The following NUDT2 variants were observed in gnomAD, a reference collection of about 807,000 sequenced individuals.
The protein encoded by NUDT2 is bis(5'-nucleosyl)-tetraphosphatase [asymmetrical].
NUDT2 carries 12 observed loss-of-function variants against 14.2 expected under a neutral mutation model. The observed-to-expected ratio is 0.84, with a 90% CI of 0.54 to 1.37. The LOEUF is 1.37. Ranked by LOEUF, NUDT2 falls within the 40% of genes most tolerant of loss-of-function variation. NUDT2 has a pLI of 0.00. For synonymous variants in NUDT2, 67 were observed against 67.4 expected, an observed-to-expected ratio of 0.99 and a Z score of 0.03; for missense variants, 167 against 176.7, an observed-to-expected ratio of 0.95 and a Z score of 0.31.
chr9:34,342,003 C>A (rs12238298), intron 4 of NUDT2, among the ~76,000 whole-genome samples: 33,820 of 152,074 alleles, frequency 0.22, 4,463 homozygotes, highest in East Asian at 0.61. Context: ...CCAGTCTTTG[C>A]CCCCTCTGGG....
Position 34,343,528 on chromosome 9 carries a change from T to G in NUDT2, c.*88T>G, listed in dbSNP as rs1295218696. The G allele has an allele frequency of 8.0e-7, 1 of 1,251,778 alleles. No individual in the cohort carries two copies. The highest frequency in any genetic ancestry group is 2.8e-5 in the Admixed American group (1 of 35,294). 77.5% of individuals were successfully genotyped at this position (1,251,778 alleles called of 1,614,324 possible). On this transcript the variant is annotated 3_prime_UTR_variant, in exon 5 of 5. Coordinates refer to ENST00000379158, the MANE Select transcript of NUDT2 (RefSeq NM_001161.5). ...CCCTCAGGTCCAGGGAAGGTTGTGC[T>G]GGTATTTGGCTCATGACAGCCAAGA...
At chr9:34,342,655 C>T (rs1472749029) in intron 4 of NUDT2, among the ~76,000 whole-genome samples, 2 of 152,004 alleles carry the variant, frequency 1.3e-5, no homozygotes, top group African/African-American at 2.4e-5. Context: ...CACTACCTGC[C>T]CTGCACCCCC....
At chr9:34,339,435 C>T (rs1000485694) in intron 4 of NUDT2, among the ~76,000 whole-genome samples, 10 of 152,130 alleles carry the variant, frequency 6.6e-5, no homozygotes, top group Admixed American at 5.9e-4. Flanking sequence ...TGGTGAATGG[C>T]TGGGTAAGAG....
intron 1 of NUDT2, among the ~76,000 whole-genome samples, chr9:34,330,715 C>A (rs1234432606): frequency 1.3e-5 from 2 of 151,730 alleles, no homozygotes; most frequent in Non-Finnish European, 2.9e-5. Flanking sequence ...TAATCCTAGC[C>A]CTTTGGGAGG....
At chr9:34,342,952 G>A (rs1338557374) in intron 4 of NUDT2, among the ~76,000 whole-genome samples, 172 bp from the exon 5 acceptor site, 1 of 152,010 alleles carries the variant, frequency 6.6e-6, no homozygotes, top group Non-Finnish European at 1.5e-5. Flanking sequence ...CTTGAGCCCA[G>A]GAATTCAAGG....
intron 2 of NUDT2, among the ~76,000 whole-genome samples, chr9:34,338,327 T>TAAAAAAAAAAAAAAAAAAAAAAAA (rs61594121): frequency 1.8e-4 from 6 of 33,738 alleles, no homozygotes; most frequent in South Asian, 2.6e-3. Context: ...ACCCTGTCTC[T>TAAAAAAAAAAAAAAAAAAAAAAAA]AAAAAAAAAA....
chr9:34,343,270 A>G lies in NUDT2; in HGVS notation c.274A>G (p.Ile92Val). The change falls in exon 5 of 5, where the codon ATT becomes GTT. Residue 92 changes from isoleucine (I) to valine (V), a missense_variant. Physicochemically the swap from Ile to Val is conservative, Grantham distance 29. Coordinates refer to ENST00000379158, the MANE Select transcript of NUDT2 (RefSeq NM_001161.5). ...GGCCAGGAACAAGCCTAAAACAGTC[A>G]TTTACTGGCTGGCGGAGGTGAAGGA... ...YVARNKPKTV[I>V]YWLAEVKDYD... 1 of 1,614,014 alleles carries G rather than the reference A, an allele frequency of 6.2e-7. No individual in the cohort carries two copies. Among genetic ancestry groups the G allele is most frequent in the Non-Finnish European group, 8.5e-7 (1 of 1,179,996 alleles).
intron 4 of NUDT2, 62 bp downstream of exon 4, chr9:34,339,228 C>T: frequency 6.3e-7 from 1 of 1,579,892 alleles, no homozygotes; most frequent in Non-Finnish European, 8.7e-7. Flanking sequence ...ATCTACCCTG[C>T]CAGGCCCTCC....
chr9:34,342,248 G>T (rs1208632729), intron 4 of NUDT2, among the ~76,000 whole-genome samples: 1 of 152,192 alleles, frequency 6.6e-6, no homozygotes, highest in Non-Finnish European at 1.5e-5. Flanking sequence ...AAACAATTTG[G>T]AAAAAGCCTT....
chr9:34,343,530 G>C lies in NUDT2; in HGVS notation c.*90G>C. The C allele has an allele frequency of 4.9e-6, 6 of 1,227,680 alleles. No homozygotes were observed. Among genetic ancestry groups the C allele is most frequent in the Non-Finnish European group, 6.6e-6 (6 of 905,522 alleles). 76.0% of individuals were successfully genotyped at this position (1,227,680 alleles called of 1,614,324 possible). A position where few individuals can be genotyped will look rare whatever the true frequency, so the allele number is the denominator to read the frequency against. On this transcript the variant is annotated 3_prime_UTR_variant, in exon 5 of 5. Transcript: ENST00000379158. ...CTCAGGTCCAGGGAAGGTTGTGCTG[G>C]TATTTGGCTCATGACAGCCAAGAGC...
chr9:34,335,889 G>A (rs1838076960), intron 1 of NUDT2, among the ~76,000 whole-genome samples: 1 of 152,098 alleles, frequency 6.6e-6, no homozygotes, highest in Admixed American at 6.6e-5. Flanking sequence ...GTTCCATGTG[G>A]CTAACCCAGG....
At chr9:34,338,960 A>G (rs1307791445) in intron 3 of NUDT2, 64 bp from the exon 4 acceptor site, 3 of 1,408,726 alleles carry the variant, frequency 2.1e-6, no homozygotes, top group Middle Eastern at 1.8e-4. Context: ...CCAGATTGCT[A>G]CCCCCCAGTA....
At chr9:34,338,947 T>A (rs1013502224) in intron 3 of NUDT2, 77 bp from the exon 4 acceptor site, 6 of 1,266,878 alleles carry the variant, frequency 4.7e-6, no homozygotes, top group Non-Finnish European at 6.7e-6. Flanking sequence ...TTACTGTCCA[T>A]CACCAGATTG....
At chr9:34,330,063 G>A (rs1161181636) in intron 1 of NUDT2, among the ~76,000 whole-genome samples, 3 of 152,198 alleles carry the variant, frequency 2.0e-5, no homozygotes, top group Non-Finnish European at 4.4e-5. Context: ...AAAGAAAGTC[G>A]AACAAGAGCC....
intron 1 of NUDT2, among the ~76,000 whole-genome samples, chr9:34,330,157 A>C (rs1206450420): frequency 6.6e-6 from 1 of 151,756 alleles, no homozygotes; most frequent in East Asian, 1.9e-4. Context: ...TAATCCCAGC[A>C]TTTTGGGAGG....
chr9:34,336,924 G>A (rs1005265838), intron 2 of NUDT2, among the ~76,000 whole-genome samples: 3 of 151,042 alleles, frequency 2.0e-5, no homozygotes, highest in African/African-American at 7.3e-5. Context: ...CATATTGATG[G>A]ATATTTGTTT....
intron 4 of NUDT2, among the ~76,000 whole-genome samples, chr9:34,341,347 G>A (rs570067146): frequency 3.3e-5 from 5 of 152,300 alleles, no homozygotes; most frequent in African/African-American, 1.2e-4. Flanking sequence ...GAGGTAGGAC[G>A]TCCTGAGTCA....
chr9:34,336,225 A>T lies in NUDT2; in HGVS notation c.-264-4A>T, dbSNP rs557896139. 47 of 152,252 alleles carry T rather than the reference A, an allele frequency of 3.1e-4. No individual in the cohort carries two copies. The highest frequency in any genetic ancestry group is 1.1e-3 in the African/African-American group (45 of 41,544). 9.4% of individuals were successfully genotyped at this position (152,252 alleles called of 1,614,324 possible). A position where few individuals can be genotyped will look rare whatever the true frequency, so the allele number is the denominator to read the frequency against. On this transcript the variant is annotated splice_region_variant and splice_polypyrimidine_tract_variant and intron_variant, in intron 1 of 4. Transcript: ENST00000379158. The stretch of plus-strand genomic sequence containing the variant: ...TTTCTAATGCTTTTTGAGCATCTTT[A>T]TAGGGAGGGCATGGGATCAGCTACC...
At chr9:34,337,291 T>C (rs557057978) in intron 2 of NUDT2, among the ~76,000 whole-genome samples, 11 of 152,314 alleles carry the variant, frequency 7.2e-5, no homozygotes, top group African/African-American at 2.4e-4. Flanking sequence ...TGAGCCACTG[T>C]GCCCGGCCCG....
Sources: allele counts gnomAD v4.1 joint callset (sites outside exome capture counted in the v4.1 genomes callset), GRCh38; gene constraint gnomAD v4.1.1; transcripts MANE v1.5; gene names NCBI Gene and HGNC (gene_info 2026-07-23, HGNC 2026-07-21).